Variants in ZNF334 observed in about 807,000 individuals in gnomAD.
ZNF334 encodes the protein zinc finger protein 334.
ZNF334 carries 14 observed loss-of-function variants against 12.4 expected under a neutral mutation model. That is an observed-to-expected ratio of 1.13 (90% CI 0.74 to 1.76). The LOEUF (loss-of-function observed/expected upper bound fraction) is 1.76, where lower values mean the gene tolerates loss of function less well. ZNF334 is among the 40% of genes most tolerant of loss of function. The probability of loss-of-function intolerance (pLI) is 0.00; values close to 1 mark genes in which losing one functional copy is unlikely to be tolerated. For missense variants in ZNF334, 797 were observed against 804.5 expected (o/e 0.99, Z 0.11); for synonymous variants, 273 against 269.6 (o/e 1.01, Z -0.12).
the ZNF334 span, chr20:46,464,419 G>C: frequency 9.9e-6 from 5 of 507,368 alleles, no homozygotes; most frequent in Non-Finnish European, 2.0e-5. Flanking sequence ...TGCAGCTGGA[G>C]AGGATCCCAA....
At chr20:46,469,229 G>GA in the ZNF334 span, among the ~76,000 whole-genome samples, 4 of 152,136 alleles carry the variant, frequency 2.6e-5, no homozygotes, top group Non-Finnish European at 5.9e-5. Flanking sequence ...CCCAAACTGG[G>GA]AGGGAGCCAA....
chr20:46,496,149 A>G (rs544849979), downstream of ZNF334, among the ~76,000 whole-genome samples: 62 of 152,286 alleles, frequency 4.1e-4, no homozygotes, highest in African/African-American at 1.4e-3. Context: ...TTGTTCACCT[A>G]TATGTCAAGC....
the ZNF334 span, among the ~76,000 whole-genome samples, chr20:46,490,195 C>T: frequency 3.4e-4 from 51 of 152,116 alleles, no homozygotes; most frequent in South Asian, 6.8e-3. Flanking sequence ...TTCTAAGAAT[C>T]GATACTAGAA....
the ZNF334 span, among the ~76,000 whole-genome samples, chr20:46,466,465 C>A: frequency 1.1e-4 from 16 of 151,866 alleles, no homozygotes; most frequent in Admixed American, 1.1e-3. Flanking sequence ...ATTAAAAATG[C>A]AAATGTTTAT....
chr20:46,499,005 T>C (rs1411988831), downstream of ZNF334, among the ~76,000 whole-genome samples: 1 of 150,964 alleles, frequency 6.6e-6, no homozygotes, highest in Non-Finnish European at 1.5e-5. Flanking sequence ...AAACCCCGTC[T>C]CTACTAAAAA....
the ZNF334 span, among the ~76,000 whole-genome samples, chr20:46,490,001 AAC>A: frequency 6.6e-6 from 1 of 152,168 alleles, no homozygotes; most frequent in African/African-American, 2.4e-5. Context: ...TTCTGCAGTT[AAC>A]CAGTTTCTAG....
At chr20:46,510,452 G>A (rs528120254) in intron 2 of ZNF334, among the ~76,000 whole-genome samples, 10 of 152,304 alleles carry the variant, frequency 6.6e-5, no homozygotes, top group East Asian at 1.9e-4. Flanking sequence ...CAGGCCGGGC[G>A]CGATGGCTCA....
At chr20:46,483,629 C>T in the ZNF334 span, among the ~76,000 whole-genome samples, 1 of 152,180 alleles carries the variant, frequency 6.6e-6, no homozygotes, top group Non-Finnish European at 1.5e-5. Flanking sequence ...TGTTTCCCAA[C>T]AGACTTGCAG....
At chr20:46,509,687 G>A in intron 2 of ZNF334, 1 of 702,902 alleles carries the variant, frequency 1.4e-6, no homozygotes, top group Non-Finnish European at 2.6e-6. Flanking sequence ...TGCATCATCT[G>A]GCTCCACCAT....
chr20:46,467,169 T>G, the ZNF334 span, among the ~76,000 whole-genome samples: 1 of 152,182 alleles, frequency 6.6e-6, no homozygotes, highest in Non-Finnish European at 1.5e-5. Context: ...ATAATGCAGG[T>G]GTCTTCCTGC....
At chr20:46,499,554 A>C (rs1407330042), downstream of ZNF334, 2 of 152,156 alleles carry the variant, frequency 1.3e-5, no homozygotes, top group Non-Finnish European at 2.9e-5. Flanking sequence ...TGGACTTGTG[A>C]ATTTACATTT....
At chr20:46,491,170 C>T in the ZNF334 span, 17 of 152,764 alleles carry the variant, frequency 1.1e-4, no homozygotes, top group Non-Finnish European at 5.9e-5. Context: ...AACATCAGAG[C>T]ATGCACAGTG....
At chr20:46,511,954 C>G in intron 2 of ZNF334, 128 bp downstream of exon 2, 1 of 890,248 alleles carries the variant, frequency 1.1e-6, no homozygotes, top group Non-Finnish European at 1.8e-6. Flanking sequence ...TCTATGTCCA[C>G]TTTTCCAGTA....
chr20:46,508,958 G>T (rs1379674327), intron 2 of ZNF334, among the ~76,000 whole-genome samples: 2 of 152,028 alleles, frequency 1.3e-5, no homozygotes, highest in Non-Finnish European at 2.9e-5. Context: ...ATTTGAACTG[G>T]AACTTCAGGG....
At position 46,502,072 on chromosome 20, in the gene ZNF334, G is replaced by A; in HGVS notation, c.1267C>T (p.His423Tyr). ...TTCTCTCCTGTATGACTTCTTCGAT[G>A]CACATTGAGGGCAGATTGACAAAAG... ...TFFCQSALNV[H>Y]RRSHTGEKPY... Residue 423 changes from histidine to tyrosine, a missense_variant, in exon 5 of 5, where the codon CAT becomes TAT. Coordinates refer to ENST00000692313, the MANE Select transcript of ZNF334 (RefSeq NM_001353824.2). 1 of 1,614,192 alleles carries A rather than the reference G, an allele frequency of 6.2e-7. No individual in the cohort carries two copies. Among genetic ancestry groups the A allele is most frequent in the South Asian group, 1.1e-5 (1 of 91,078 alleles).
At chr20:46,483,447 G>A in the ZNF334 span, among the ~76,000 whole-genome samples, 1 of 151,868 alleles carries the variant, frequency 6.6e-6, no homozygotes, top group African/African-American at 2.4e-5. Context: ...TCTGGCACTT[G>A]AGTCTTTAAG....
the ZNF334 span, chr20:46,474,458 T>A: frequency 1.3e-5 from 2 of 151,962 alleles, no homozygotes; most frequent in Non-Finnish European, 2.9e-5. Context: ...AATTTGAATA[T>A]ATTGTAACAT....
At chr20:46,467,664 C>T in the ZNF334 span, among the ~76,000 whole-genome samples, 33 of 152,282 alleles carry the variant, frequency 2.2e-4, no homozygotes, top group African/African-American at 7.2e-4. Flanking sequence ...TTTGTCTAAG[C>T]GTTTTTGTAG....
chr20:46,509,952 T>G (rs963605330), intron 2 of ZNF334, among the ~76,000 whole-genome samples: 3 of 152,220 alleles, frequency 2.0e-5, no homozygotes, highest in African/African-American at 7.2e-5. Flanking sequence ...CACTAGCACA[T>G]GAGCTCCATG....
Sources: gnomAD v4.1 joint callset for allele counts (sites outside exome capture counted in the v4.1 genomes callset) on GRCh38, gnomAD v4.1.1 for gene constraint, MANE v1.5 for transcripts, NCBI Gene and HGNC (gene_info 2026-07-23, HGNC 2026-07-21) for gene names.